FCHO1: variants seen among roughly 807,000 people sequenced by gnomAD.
FCHO1 encodes the protein FCH and mu domain containing endocytic adaptor 1.
A neutral mutation model predicts 114.4 loss-of-function variants in FCHO1; 45 were observed. That is an observed-to-expected ratio of 0.39 (90% confidence interval 0.31 to 0.50). FCHO1 has a LOEUF of 0.50. FCHO1 is among the 20% of genes least tolerant of loss of function. FCHO1 has a pLI of 0.77. For synonymous variants in FCHO1, 480 were observed against 488.9 expected, an observed-to-expected ratio of 0.98 and a Z score of 0.24; for missense variants, 1,042 against 1,209.6, an observed-to-expected ratio of 0.86 and a Z score of 2.06.
Position 17,756,768 on chromosome 19 carries a change from G to A in FCHO1, c.27+1577G>A, listed in dbSNP as rs545235586. On this transcript the variant is annotated intron_variant, in intron 4 of 28. Transcript: ENST00000596536. ...CCTGGTTCTTTGCTGGGTGGTGCTG[G>A]GGAGATTAAGCCAAACAGGGATGCC... Among the ~76,000 whole-genome samples, 54 of 152,284 alleles carry A rather than the reference G, an allele frequency of 3.5e-4. No homozygotes were observed. In the South Asian group the frequency reaches 0.01, roughly 29 times the overall value.
chr19:17,750,017 A>G (rs1184774451), upstream of FCHO1, among the ~76,000 whole-genome samples: 1 of 152,174 alleles, frequency 6.6e-6, no homozygotes, highest in Admixed American at 6.5e-5. Context: ...ACACCCAGCC[A>G]GGCACCACTC....
chr19:17,778,262 TGGCCGGAG>T, intron 19 of FCHO1, 34 bp downstream of exon 19: 1 of 1,558,680 alleles, frequency 6.4e-7, no homozygotes, highest in Non-Finnish European at 8.8e-7. Flanking sequence ...GGCATGGGTG[TGGCCGGAG>T]GGAGGTTGGG....
intron 4 of FCHO1, among the ~76,000 whole-genome samples, chr19:17,756,593 C>T (rs2083600458): frequency 6.6e-6 from 1 of 152,138 alleles, no homozygotes; most frequent in African/African-American, 2.4e-5. Flanking sequence ...AATGACTTTG[C>T]CTGCCCGAAC....
In FCHO1 at chr19:17,775,854, G is replaced by A; in HGVS notation, c.1004-129G>A. 2 of 1,058,528 alleles carry A rather than the reference G, an allele frequency of 1.9e-6. No homozygotes were observed. The highest frequency in any genetic ancestry group is 1.5e-5 in the South Asian group (1 of 65,600). The allele number at this position is 1,058,528 out of a possible 1,614,324, so 65.6% of individuals were successfully genotyped here. On this transcript the variant is annotated intron_variant, in intron 15 of 28. Coordinates refer to ENST00000596536, the MANE Select transcript of FCHO1 (RefSeq NM_015122.3). The surrounding 1 kb of genome is among the most constrained non-coding windows in gnomAD (Gnocchi z 5.1). ...GGGACATGGTGTCAGGACTGAAGGT[G>A]GCGCGTGGTGAGCGATGGGATTGGG...
intron 4 of FCHO1, among the ~76,000 whole-genome samples, chr19:17,755,962 A>G (rs2083330987): frequency 6.6e-6 from 1 of 151,992 alleles, no homozygotes; most frequent in African/African-American, 2.4e-5. Context: ...GGGAACAGGG[A>G]CTCCTCCTGC....
chr19:17,780,522 G>A (rs1287740188), intron 20 of FCHO1, among the ~76,000 whole-genome samples: 2 of 152,136 alleles, frequency 1.3e-5, no homozygotes, highest in African/African-American at 4.8e-5. Context: ...CATTGTCAGT[G>A]TCTGGAGACA....
upstream of FCHO1, among the ~76,000 whole-genome samples, chr19:17,748,920 G>A (rs2081272858): frequency 6.6e-6 from 1 of 152,206 alleles, no homozygotes; most frequent in South Asian, 2.1e-4. Context: ...CATTGGGTTT[G>A]GAGACCCTCC....
chr19:17,784,204 C>T lies in FCHO1; in HGVS notation c.2195C>T (p.Ser732Phe). 6.2e-7 allele frequency: 1 copy of T among 1,612,880 alleles called. No individual in the cohort carries two copies. ...QRQAEQNPTA[S>F]YYNVVLLRYQ... is the part of the protein sequence containing the mutation. ...CAGGCAGAGCAGAACCCCACTGCCT[C>T]CTACTACAACGTGGTGCTGCTGCGA... Residue 732 changes from serine to phenylalanine, a missense_variant, in exon 25 of 29, where the codon TCC becomes TTC. By Grantham distance (155) the Ser-to-Phe change is radical. Transcript: ENST00000596536. This position sits in a 1 kb window ranked among gnomAD's most constrained non-coding sequence, Gnocchi z 5.3.
At chr19:17,765,950 G>A (rs144967426) in intron 6 of FCHO1, among the ~76,000 whole-genome samples, 13 of 144,352 alleles carry the variant, frequency 9.0e-5, no homozygotes, top group African/African-American at 3.4e-4. Context: ...GTGCAGTGGC[G>A]CGATCTTGGC....
chr19:17,769,658 C>T (rs933667971), intron 7 of FCHO1, among the ~76,000 whole-genome samples: 12 of 151,866 alleles, frequency 7.9e-5, no homozygotes, highest in Non-Finnish European at 1.5e-4. Flanking sequence ...GCAACACAGT[C>T]TGCCACTGTT....
At chr19:17,767,690 C>T (rs1272765934) in intron 7 of FCHO1, among the ~76,000 whole-genome samples, 2 of 151,666 alleles carry the variant, frequency 1.3e-5, no homozygotes, top group Non-Finnish European at 1.5e-5. Flanking sequence ...ATGACAGTCA[C>T]ATATCAGTGC....
chr19:17,775,856 C>T lies in FCHO1; in HGVS notation c.1004-127C>T, dbSNP rs1221519185. ...GACATGGTGTCAGGACTGAAGGTGG[C>T]GCGTGGTGAGCGATGGGATTGGGCA... On this transcript the variant is annotated intron_variant, in intron 15 of 28. Transcript: ENST00000596536. The surrounding 1 kb of genome is among the most constrained non-coding windows in gnomAD (Gnocchi z 5.1). 1.7e-5 allele frequency: 18 copies of T among 1,080,500 alleles called. No individual in the cohort carries two copies. The highest frequency in any genetic ancestry group is 1.3e-4 in the East Asian group (5 of 39,356). 66.9% of individuals were successfully genotyped at this position (1,080,500 alleles called of 1,614,324 possible).
intron 6 of FCHO1, chr19:17,766,450 T>G: frequency 2.0e-6 from 1 of 495,772 alleles, no homozygotes. Flanking sequence ...TAATGTTGAT[T>G]TGTTGAGGGG....
chr19:17,770,612 C>G, intron 8 of FCHO1, 35 bp downstream of exon 8: 1 of 1,596,526 alleles, frequency 6.3e-7, no homozygotes, highest in Non-Finnish European at 8.6e-7. Context: ...GAGGAATTTG[C>G]CGCGGGGCGG....
chr19:17,770,942 C>A, intron 9 of FCHO1, 46 bp downstream of exon 9: 1 of 1,530,372 alleles, frequency 6.5e-7, no homozygotes, highest in Non-Finnish European at 9.0e-7. Context: ...CATGCCTTTG[C>A]CCTGGAGGTT....
chr19:17,748,335 C>T (rs1401454492), upstream of FCHO1, among the ~76,000 whole-genome samples: 1 of 152,140 alleles, frequency 6.6e-6, no homozygotes, highest in African/African-American at 2.4e-5. Context: ...CCTGGCCCCT[C>T]CTCTAATCTG....
At chr19:17,778,471 T>C (rs1337330202) in intron 19 of FCHO1, 138 bp from the exon 20 acceptor site, 10 of 1,000,452 alleles carry the variant, frequency 1.0e-5, no homozygotes, top group East Asian at 2.6e-5. Flanking sequence ...CCAGAAGGTG[T>C]AGCCTTGGGG....
chr19:17,762,758 G>A lies in FCHO1; in HGVS notation c.28-4G>A. Reference sequence around the variant, plus strand: ...TTCTCAATCTCTATTCCCATCCCCTGCAGGGCGAGAAAAATCATGGCTTTG... The same window carrying A: ...TTCTCAATCTCTATTCCCATCCCCTACAGGGCGAGAAAAATCATGGCTTTG... On this transcript the variant is annotated splice_region_variant and splice_polypyrimidine_tract_variant and intron_variant, in intron 4 of 28. Transcript: ENST00000596536. 2 of 1,609,452 alleles carry A rather than the reference G, an allele frequency of 1.2e-6. No homozygotes were observed. The highest frequency in any genetic ancestry group is 8.5e-7 in the Non-Finnish European group (1 of 1,175,824).
Position 17,781,293 on chromosome 19 carries a change from C to G in FCHO1, c.1690C>G (p.Leu564Val). Reference sequence around the variant, plus strand: ...GGGCCTGGCAGCCCCACCCAGGAGACTTCGCTCTAGGAAGGTGTCCTGCCC... The same window carrying G: ...GGGCCTGGCAGCCCCACCCAGGAGAGTTCGCTCTAGGAAGGTGTCCTGCCC... ...REGLAAPPRR[L>V]RSRKVSCPLT... is the part of the protein sequence containing the mutation. Residue 564 changes from leucine (L) to valine (V), a missense_variant, in exon 21 of 29, where the codon CTT becomes GTT. This residue lies in a region of FCHO1 where 455 missense variants were observed against 455.4 expected (regional missense o/e 1.00). Transcript: ENST00000596536. 1 of 1,614,056 alleles carries G rather than the reference C, an allele frequency of 6.2e-7. No homozygotes were observed. Among genetic ancestry groups the G allele is most frequent in the Non-Finnish European group, 8.5e-7 (1 of 1,179,966 alleles).
Sources: allele counts gnomAD v4.1 joint callset (sites outside exome capture counted in the v4.1 genomes callset), GRCh38; gene constraint gnomAD v4.1.1; regional missense constraint gnomAD v4.1.1; non-coding constraint Gnocchi (gnomAD v3.1); transcripts MANE v1.5; gene names NCBI Gene and HGNC (gene_info 2026-07-23, HGNC 2026-07-21).